FBLN1: variants seen among roughly 807,000 people sequenced by gnomAD.
FBLN1 encodes the protein fibulin 1, also known as fibulin-1.
Under a neutral mutation model 89.7 loss-of-function variants are expected in FBLN1, and 34 were observed. That is an observed-to-expected ratio of 0.38 (90% confidence interval 0.29 to 0.50). The LOEUF is 0.50. Among genes scored for constraint, FBLN1 ranks in the 20% least tolerant of loss-of-function variants. The probability of loss-of-function intolerance (pLI) is 0.92; values close to 1 mark genes in which losing one functional copy is unlikely to be tolerated. For missense variants in FBLN1, 777 were observed against 988.1 expected (o/e 0.79, Z 2.86); for synonymous variants, 393 against 391.3 (o/e 1.00, Z -0.05).
In FBLN1 at chr22:45,530,352, C is replaced by T. The variant is rs922992521; in HGVS notation, c.485-913C>T. Among the ~76,000 whole-genome samples, 2 of 151,928 alleles carry T rather than the reference C, an allele frequency of 1.3e-5. No homozygotes were observed. Among genetic ancestry groups the T allele is most frequent in the East Asian group, 1.9e-4 (1 of 5,178 alleles). On this transcript the variant is annotated intron_variant, in intron 4 of 16. Coordinates refer to ENST00000327858, the MANE Select transcript of FBLN1 (RefSeq NM_006486.3). The surrounding 1 kb of genome is among the most constrained non-coding windows in gnomAD (Gnocchi z 5.4). ...CCAGATGTTAGATGTTTTATCTCTC[C>T]GTCTTTTATCTGCTTCAGTCCTTGC...
chr22:45,547,679 C>T lies in FBLN1; in HGVS notation c.1441+475C>T, dbSNP rs181133004. 1.4e-3 allele frequency among the ~76,000 whole-genome samples: 208 copies of T among 152,236 alleles called. 1 individual carries two copies. The highest frequency in any genetic ancestry group is 4.8e-3 in the African/African-American group (199 of 41,524). On this transcript the variant is annotated intron_variant, in intron 12 of 16. Transcript: ENST00000327858. ...CCTCCCAAATTGCTGGGATTACAGG[C>T]ATGAGCCACCGTGCCTGGCCCCCAA...
At chr22:45,516,009 G>A (rs2088164979) in intron 1 of FBLN1, among the ~76,000 whole-genome samples, 1 of 152,210 alleles carries the variant, frequency 6.6e-6, no homozygotes, top group Non-Finnish European at 1.5e-5. Context: ...AGACATTTGT[G>A]GCTATGAGGG....
At chr22:45,593,672 G>C (rs1033180449) in intron 16 of FBLN1, among the ~76,000 whole-genome samples, 1 of 152,156 alleles carries the variant, frequency 6.6e-6, no homozygotes, top group Non-Finnish European at 1.5e-5. Flanking sequence ...TTTACTGCTG[G>C]GGTGGTCCTT....
chr22:45,558,170 A>G (rs2088812232), intron 14 of FBLN1: 2 of 706,662 alleles, frequency 2.8e-6, no homozygotes, highest in South Asian at 1.5e-5. Flanking sequence ...CCACTTCCTC[A>G]TGTAACTTAA....
intron 4 of FBLN1, among the ~76,000 whole-genome samples, chr22:45,529,280 A>G (rs980666480): frequency 5.3e-5 from 8 of 152,226 alleles, no homozygotes; most frequent in African/African-American, 1.9e-4. Flanking sequence ...CTGTCAAATC[A>G]TAGACACTTA....
chr22:45,513,071 A>ATTT (rs1486975958), intron 1 of FBLN1, among the ~76,000 whole-genome samples: 2 of 152,238 alleles, frequency 1.3e-5, no homozygotes, highest in African/African-American at 4.8e-5. Flanking sequence ...AAACTGCTGT[A>ATTT]CAGAACATTC....
Position 45,589,723 on chromosome 22 carries a change from G to A in FBLN1, c.1973-10584G>A, listed in dbSNP as rs1193035835. Among the ~76,000 whole-genome samples, 3 of 152,072 alleles carry A rather than the reference G, an allele frequency of 2.0e-5. No homozygotes were observed. In the South Asian group the frequency reaches 6.2e-4, roughly 32 times the overall value. On this transcript the variant is annotated intron_variant, in intron 16 of 16. Transcript: ENST00000327858. Reference sequence around the variant, plus strand: ...GAGAGAGAAGGGGCATGACTGGCCTGCCCTCTCATCAGCCTCTCCCCTAGC... The same window carrying A: ...GAGAGAGAAGGGGCATGACTGGCCTACCCTCTCATCAGCCTCTCCCCTAGC...
chr22:45,516,946 C>T (rs1411456127), intron 1 of FBLN1, among the ~76,000 whole-genome samples: 1 of 152,210 alleles, frequency 6.6e-6, no homozygotes, highest in Non-Finnish European at 1.5e-5. Context: ...CGTGCACTGA[C>T]CTTATCCATT....
At chr22:45,582,092 G>A (rs73444978) in intron 16 of FBLN1, among the ~76,000 whole-genome samples, 2,481 of 152,276 alleles carry the variant, frequency 0.016, 51 homozygotes, top group African/African-American at 0.055. Context: ...GACTGAGGCC[G>A]GAAGAGCCAA....
chr22:45,556,567 T>G lies in FBLN1; in HGVS notation c.1697+5952T>G, dbSNP rs1467611179. ...CATTGACCTTAATCACAGGGCATGG[T>G]AATACTGAGAGATGCCCTAATGGAT... On this transcript the variant is annotated intron_variant, in intron 14 of 16. Transcript: ENST00000327858. The surrounding 1 kb of genome is among the most constrained non-coding windows in gnomAD (Gnocchi z 4.6). Among the ~76,000 whole-genome samples the G allele has an allele frequency of 6.6e-6, 1 of 152,158 alleles. No homozygotes were observed. Among genetic ancestry groups the G allele is most frequent in the Non-Finnish European group, 1.5e-5 (1 of 68,030 alleles).
chr22:45,558,263 C>T (rs566222740), intron 14 of FBLN1: 1 of 514,476 alleles, frequency 1.9e-6, no homozygotes, highest in Non-Finnish European at 3.6e-6. Flanking sequence ...TCATGACCAA[C>T]TTTATGGCTA....
chr22:45,548,890 C>G (rs2088666351), intron 13 of FBLN1, 146 bp downstream of exon 13: 1 of 1,306,686 alleles, frequency 7.7e-7, no homozygotes, highest in South Asian at 1.3e-5. Context: ...GGAGGCCCAC[C>G]CCATCCAAGG....
At chr22:45,533,242 G>A (rs1392219729) in intron 6 of FBLN1, 78 bp downstream of exon 6, 1 of 1,339,236 alleles carries the variant, frequency 7.5e-7, no homozygotes, top group African/African-American at 1.4e-5. Context: ...GACTGACCAG[G>A]GCCTGCCTTC....
rs754762089 is a variant in FBLN1 at position 45,518,787 on chromosome 22, G to C, written c.185G>C (p.Arg62Thr). ...TATGCTACGGAATCCAAAGAATGCA[G>C]GTACGTTTGCCAGTGGCCACTGTTT... is the stretch of plus-strand genomic sequence containing the variant. ...LPYATESKEC[R>T]MVQEQCCHSQ... Residue 62 changes from arginine to threonine, a missense_variant and splice_region_variant, in exon 2 of 17, where the codon AGG becomes ACG. By Grantham distance (71) the Arg-to-Thr change is moderately conservative. Transcript: ENST00000327858. The C allele has an allele frequency of 9.3e-6, 15 of 1,606,036 alleles. No individual in the cohort carries two copies. The highest frequency in any genetic ancestry group is 1.3e-5 in the Non-Finnish European group (15 of 1,176,108).
intron 2 of FBLN1, among the ~76,000 whole-genome samples, chr22:45,525,131 C>CAG (rs140962602): frequency 0.27 from 36,527 of 133,922 alleles, 4,635 homozygotes; most frequent in East Asian, 0.44. Flanking sequence ...GAAAGAAAAA[C>CAG]AGAGAGAAAG....
In FBLN1 at chr22:45,547,229, G is replaced by A. The variant is rs374018571; in HGVS notation, c.1441+25G>A. 17 of 1,612,220 alleles carry A rather than the reference G, an allele frequency of 1.1e-5. No homozygotes were observed. In the African/African-American group the frequency reaches 1.6e-4, roughly 15 times the overall value. ...GGTGCGGACGCCCCTGCCTGCTGAG[G>A]GGGAAAGCACCCCCTGGTCTTGCCA... On this transcript the variant is annotated intron_variant, in intron 12 of 16. Coordinates refer to ENST00000327858, the MANE Select transcript of FBLN1 (RefSeq NM_006486.3).
rs1426258648 is a variant in FBLN1 at position 45,532,952 on chromosome 22, C to T, written c.545-111C>T. 3.1e-6 allele frequency: 3 copies of T among 966,924 alleles called. No homozygotes were observed. Among genetic ancestry groups the T allele is most frequent in the Non-Finnish European group, 4.8e-6 (3 of 621,848 alleles). 59.9% of individuals were successfully genotyped at this position (966,924 alleles called of 1,614,324 possible). A position where few individuals can be genotyped will look rare whatever the true frequency, so the allele number is the denominator to read the frequency against. On this transcript the variant is annotated intron_variant, in intron 5 of 16. Coordinates refer to ENST00000327858, the MANE Select transcript of FBLN1 (RefSeq NM_006486.3). This position sits in a 1 kb window ranked among gnomAD's most constrained non-coding sequence, Gnocchi z 4.2. ...GGCTCCAGCCAGGTCAGCCTGCCTT[C>T]CTGGGTTCGTCTGCCCAGAGGGCGT...
intron 11 of FBLN1, among the ~76,000 whole-genome samples, chr22:45,543,771 C>A (rs952016730): frequency 5.9e-5 from 9 of 152,232 alleles, no homozygotes; most frequent in Non-Finnish European, 1.3e-4. Context: ...AGAGGCCATG[C>A]GGGATGTGGC....
At chr22:45,547,666 C>T (rs1228020629) in intron 12 of FBLN1, among the ~76,000 whole-genome samples, 1 of 152,034 alleles carries the variant, frequency 6.6e-6, no homozygotes, top group Non-Finnish European at 1.5e-5. Context: ...TCCCAAATTG[C>T]TGGGATTACA....
Sources: gnomAD v4.1 joint callset for allele counts (sites outside exome capture counted in the v4.1 genomes callset) on GRCh38, gnomAD v4.1.1 for gene constraint, Gnocchi (gnomAD v3.1) non-coding constraint, MANE v1.5 for transcripts, NCBI Gene and HGNC (gene_info 2026-07-23, HGNC 2026-07-21) for gene names.